Variants in AP3S2 observed in about 807,000 individuals in gnomAD.
AP3S2 encodes the protein adaptor related protein complex 3 subunit sigma 2, also known as AP-3 complex subunit sigma-2.
AP3S2 carries 22 observed loss-of-function variants against 23.4 expected under a neutral mutation model. The observed-to-expected ratio is 0.94, with a 90% CI of 0.67 to 1.34. The LOEUF is 1.34. Ranked by LOEUF, AP3S2 falls within the 40% of genes most tolerant of loss-of-function variation. The pLI is 0.00. For missense variants in AP3S2, 241 were observed against 236.9 expected (o/e 1.02, Z -0.11); for synonymous variants, 86 against 87.1 (o/e 0.99, Z 0.07).
At chr15:89,888,793 G>T in intron 2 of AP3S2, 161 bp from the exon 3 acceptor site, 2 of 878,726 alleles carry the variant, frequency 2.3e-6, no homozygotes, top group Non-Finnish European at 3.4e-6. Flanking sequence ...TTTGGCAGAG[G>T]TACCTAAAGC....
chr15:89,881,939 ACCC>A lies in AP3S2; in HGVS notation c.273+6579_273+6581del, dbSNP rs1175301563. 4.0e-5 allele frequency among the ~76,000 whole-genome samples: 6 copies of A among 151,668 alleles called. No homozygotes were observed. In the South Asian group the frequency reaches 1.3e-3, roughly 32 times the overall value. On this transcript the variant is annotated intron_variant, in intron 3 of 5. Coordinates refer to ENST00000336418, the MANE Select transcript of AP3S2 (RefSeq NM_005829.5). ...GGGTTCAAGCAATTCTCCTGCCTCA[ACCC>A]CCCAAGTAGCTGGGATTACAGGTGC...
At chr15:89,888,306 G>A (rs1260192160) in intron 3 of AP3S2, among the ~76,000 whole-genome samples, 1 of 152,180 alleles carries the variant, frequency 6.6e-6, no homozygotes, top group Non-Finnish European at 1.5e-5. Context: ...ATTTGTAAAT[G>A]AAAACCAAGG....
chr15:89,856,143 G>A (rs1895830339), intron 4 of AP3S2, among the ~76,000 whole-genome samples: 1 of 152,120 alleles, frequency 6.6e-6, no homozygotes, highest in Non-Finnish European at 1.5e-5. Flanking sequence ...AGTTCCTCCT[G>A]AGTGCACCCA....
chr15:89,881,770 C>A (rs10520684), intron 3 of AP3S2, among the ~76,000 whole-genome samples: 35,325 of 151,452 alleles, frequency 0.23, 4,627 homozygotes, highest in South Asian at 0.33. Context: ...ACTGGAGTTA[C>A]AAGGAAACAA....
At chr15:89,879,408 T>C (rs1896518901) in intron 3 of AP3S2, among the ~76,000 whole-genome samples, 1 of 152,190 alleles carries the variant, frequency 6.6e-6, no homozygotes, top group Non-Finnish European at 1.5e-5. Context: ...AAGGATGTCA[T>C]TGCAGCATCC....
intron 4 of AP3S2, among the ~76,000 whole-genome samples, chr15:89,868,585 C>G (rs1896223942): frequency 7.5e-6 from 1 of 133,000 alleles, no homozygotes; most frequent in Non-Finnish European, 1.6e-5. Context: ...AGCCCTCCAC[C>G]CGGCCAGCCG....
chr15:89,854,351 T>G (rs1174037969), intron 4 of AP3S2, among the ~76,000 whole-genome samples: 3 of 29,488 alleles, frequency 1.0e-4, no homozygotes, highest in Non-Finnish European at 1.4e-4. Context: ...GGTAGGGGGG[T>G]CAGCCCCCCG....
chr15:89,870,468 G>C (rs1375203308), intron 4 of AP3S2, among the ~76,000 whole-genome samples: 1 of 152,150 alleles, frequency 6.6e-6, no homozygotes, highest in Admixed American at 6.5e-5. Context: ...GTCAGATGGT[G>C]AGAGACAAAA....
At chr15:89,849,832 C>T (rs939692368) in intron 4 of AP3S2, among the ~76,000 whole-genome samples, 11 of 151,932 alleles carry the variant, frequency 7.2e-5, no homozygotes, top group Admixed American at 6.6e-5. Flanking sequence ...TCTCCTAGCC[C>T]CCTACCCCCG....
At chr15:89,866,327 T>G (rs1173949826) in intron 4 of AP3S2, among the ~76,000 whole-genome samples, 15 of 149,776 alleles carry the variant, frequency 1.0e-4, no homozygotes, top group Admixed American at 1.0e-3. Context: ...ATGAACTAGC[T>G]TAGACTAGGG....
chr15:89,882,083 A>C (rs2141894583), intron 3 of AP3S2, among the ~76,000 whole-genome samples: 1 of 152,104 alleles, frequency 6.6e-6, no homozygotes, highest in Middle Eastern at 3.4e-3. Context: ...CGGCCTCCCA[A>C]AGTGCTGGGG....
At chr15:89,885,840 C>T (rs1896686435) in intron 3 of AP3S2, among the ~76,000 whole-genome samples, 1 of 147,798 alleles carries the variant, frequency 6.8e-6, no homozygotes, top group Non-Finnish European at 1.5e-5. Context: ...ACTCAGGAGA[C>T]TGAGGTAGGA....
At chr15:89,843,156 G>T (rs561514865) in intron 4 of AP3S2, among the ~76,000 whole-genome samples, 8 of 151,276 alleles carry the variant, frequency 5.3e-5, no homozygotes, top group African/African-American at 1.9e-4. Context: ...GACTAATTTT[G>T]TATTTTTCGT....
rs1487336145 is a variant in AP3S2 at position 89,893,905 on chromosome 15, C to G, written c.45G>C (p.Arg15=). 5.2e-6 allele frequency: 8 copies of G among 1,551,610 alleles called. No individual in the cohort carries two copies. ...CGAAACGCTGGTAGAAGCGGACTAGCCGTGGCTTCCCATGGTTGTTGAAAA... is the reference window on the plus strand; with the variant it reads ...CGAAACGCTGGTAGAAGCGGACTAGGCGTGGCTTCCCATGGTTGTTGAAAA... The part of the protein sequence containing the change: ...ILVFNNHGKP[R]LVRFYQRFPE... The change falls in exon 1 of 6, where the codon CGG becomes CGC. Residue 15 remains arginine (R), a synonymous_variant. Transcript: ENST00000336418.
intron 4 of AP3S2, among the ~76,000 whole-genome samples, chr15:89,851,545 G>C (rs905571999): frequency 3.9e-5 from 6 of 151,958 alleles, no homozygotes; most frequent in Non-Finnish European, 7.4e-5. Flanking sequence ...CACTATGTTG[G>C]CCAGGCTGAT....
intron 4 of AP3S2, among the ~76,000 whole-genome samples, chr15:89,843,467 G>A (rs747322253): frequency 8.6e-5 from 13 of 151,846 alleles, no homozygotes; most frequent in Middle Eastern, 3.4e-3. Flanking sequence ...GTGAAACCCC[G>A]TCTCTACTAA....
intron 4 of AP3S2, among the ~76,000 whole-genome samples, chr15:89,857,124 A>T (rs1316752900): frequency 6.6e-6 from 1 of 152,152 alleles, no homozygotes; most frequent in Non-Finnish European, 1.5e-5. Flanking sequence ...AGAAAGCTTC[A>T]TCAAAAGTAA....
At position 89,846,381 on chromosome 15, in the gene AP3S2, A is replaced by G. The variant is rs188055475; in HGVS notation, c.346-8659T>C. Among the ~76,000 whole-genome samples the G allele has an allele frequency of 2.9e-3, 432 of 151,120 alleles. 1 individual carries two copies. Among genetic ancestry groups the G allele is most frequent in the Non-Finnish European group, 4.4e-3 (298 of 67,838 alleles). ...CTTTATTTTTTTTTTTTCTTGAGAC[A>G]TGGTCTCACTCTGTCGCCCAGGATG... On this transcript the variant is annotated intron_variant, in intron 4 of 5. Coordinates refer to ENST00000336418, the MANE Select transcript of AP3S2 (RefSeq NM_005829.5).
chr15:89,859,935 T>C (rs1315584228), intron 4 of AP3S2, among the ~76,000 whole-genome samples: 31 of 152,020 alleles, frequency 2.0e-4, no homozygotes, highest in Non-Finnish European at 1.5e-5. Flanking sequence ...AGCTAATTTT[T>C]TGTATTTTTT....
Sources: gnomAD v4.1 joint callset for allele counts (sites outside exome capture counted in the v4.1 genomes callset) on GRCh38, gnomAD v4.1.1 for gene constraint, MANE v1.5 for transcripts, NCBI Gene and HGNC (gene_info 2026-07-23, HGNC 2026-07-21) for gene names.